The following GALNT13 variants were observed in gnomAD, a reference collection of about 807,000 sequenced individuals.
The protein encoded by GALNT13 is polypeptide N-acetylgalactosaminyltransferase 13.
A neutral mutation model predicts 64.2 loss-of-function variants in GALNT13; 28 were observed. The ratio of observed to expected loss-of-function variants is 0.44; its 90% CI spans 0.32 to 0.60. GALNT13 has a LOEUF of 0.60. Among genes scored for constraint, GALNT13 ranks in the 20% least tolerant of loss-of-function variants. The pLI, the probability that GALNT13 is intolerant of heterozygous loss-of-function variation, is 0.05. For synonymous variants in GALNT13, 214 were observed against 224.6 expected (o/e 0.95, Z 0.42); for missense variants, 577 against 669.8 (o/e 0.86, Z 1.53).
At chr2:154,234,245 A>T (rs571197648) in intron 4 of GALNT13, among the ~76,000 whole-genome samples, 53 of 152,272 alleles carry the variant, frequency 3.5e-4, no homozygotes, top group African/African-American at 1.3e-3. Context: ...GACCCAAATA[A>T]TTTTAGAGAT....
At chr2:154,382,689 T>C (rs1180120108) in intron 9 of GALNT13, among the ~76,000 whole-genome samples, 2 of 151,990 alleles carry the variant, frequency 1.3e-5, no homozygotes, top group African/African-American at 4.8e-5. Context: ...TCATTTATAG[T>C]AGTTTAGGAC....
chr2:153,403,330 A>T, the GALNT13 span, among the ~76,000 whole-genome samples: 21 of 151,840 alleles, frequency 1.4e-4, no homozygotes, highest in Non-Finnish European at 4.4e-5. Context: ...GCTCTCTTCA[A>T]AGCTGTCAGA....
At chr2:154,051,764 T>G (rs140783149) in intron 3 of GALNT13, among the ~76,000 whole-genome samples, 1 of 152,330 alleles carries the variant, frequency 6.6e-6, no homozygotes, top group African/African-American at 2.4e-5. Context: ...ATACTTTCCT[T>G]TCTAGATAAA....
the GALNT13 span, among the ~76,000 whole-genome samples, chr2:153,579,943 G>C: frequency 6.6e-6 from 1 of 152,128 alleles, no homozygotes; most frequent in African/African-American, 2.4e-5. Context: ...GTGTCAAAAA[G>C]GTTGGGGACC....
intron 4 of GALNT13, among the ~76,000 whole-genome samples, chr2:154,155,074 C>T (rs1204450105): frequency 1.3e-5 from 2 of 151,668 alleles, no homozygotes; most frequent in African/African-American, 4.8e-5. Flanking sequence ...ATTATGGAAA[C>T]TATTATTGTT....
intron 3 of GALNT13, among the ~76,000 whole-genome samples, chr2:154,012,847 T>G (rs1696740500): frequency 6.6e-6 from 1 of 152,164 alleles, no homozygotes. Flanking sequence ...TGGTCTGTTC[T>G]GCTGTTTATA....
chr2:154,189,572 G>A (rs1466094723), intron 4 of GALNT13, among the ~76,000 whole-genome samples: 1 of 151,474 alleles, frequency 6.6e-6, no homozygotes, highest in African/African-American at 2.4e-5. Flanking sequence ...CCTGATCTTG[G>A]ATTTCCAGTT....
At chr2:154,362,847 A>G (rs979389501) in intron 9 of GALNT13, among the ~76,000 whole-genome samples, 12 of 152,170 alleles carry the variant, frequency 7.9e-5, no homozygotes, top group African/African-American at 2.9e-4. Context: ...AGGATACTAT[A>G]TGGCTCAATA....
chr2:153,869,478 T>C (rs1231494040), upstream of GALNT13, among the ~76,000 whole-genome samples: 1 of 152,156 alleles, frequency 6.6e-6, no homozygotes, highest in African/African-American at 2.4e-5. Flanking sequence ...AGGCAAGATA[T>C]TGTGTAGAAT....
chr2:154,088,170 G>T (rs1020960742), intron 3 of GALNT13, among the ~76,000 whole-genome samples: 6 of 152,038 alleles, frequency 3.9e-5, no homozygotes, highest in African/African-American at 1.2e-4. Flanking sequence ...CAGTAGCCTT[G>T]CATCTCTAAT....
chr2:153,213,062 C>T, the GALNT13 span, among the ~76,000 whole-genome samples: 1,728 of 152,268 alleles, frequency 0.011, 33 homozygotes, highest in African/African-American at 0.039. Flanking sequence ...AGGTGTGTAT[C>T]GAGTACCTAC....
chr2:153,109,806 C>T, the GALNT13 span, among the ~76,000 whole-genome samples: 3 of 152,004 alleles, frequency 2.0e-5, no homozygotes, highest in African/African-American at 4.8e-5. Context: ...TGTGAGTGTG[C>T]AGAAGGCAGG....
At chr2:153,710,274 AAAGT>A in the GALNT13 span, among the ~76,000 whole-genome samples, 1 of 152,092 alleles carries the variant, frequency 6.6e-6, no homozygotes, top group East Asian at 1.9e-4. Flanking sequence ...CAATAAAAAT[AAAGT>A]AAGCTGAGAA....
At chr2:153,702,933 A>G in the GALNT13 span, among the ~76,000 whole-genome samples, 2 of 152,210 alleles carry the variant, frequency 1.3e-5, no homozygotes, top group Non-Finnish European at 1.5e-5. Context: ...TGGCACTTTC[A>G]TATTAAGAAG....
the GALNT13 span, among the ~76,000 whole-genome samples, chr2:153,091,218 G>A: frequency 6.6e-6 from 1 of 152,114 alleles, no homozygotes; most frequent in East Asian, 1.9e-4. Flanking sequence ...TGTGCTGGCT[G>A]CCTTCCCCAA....
At chr2:154,221,271 T>C (rs1688309186) in intron 4 of GALNT13, among the ~76,000 whole-genome samples, 2 of 151,646 alleles carry the variant, frequency 1.3e-5, no homozygotes, top group Non-Finnish European at 2.9e-5. Context: ...ATAGAAATAG[T>C]AATGTTTATT....
chr2:154,427,935 T>C (rs1293441824), intron 11 of GALNT13, among the ~76,000 whole-genome samples: 1 of 152,230 alleles, frequency 6.6e-6, no homozygotes, highest in Non-Finnish European at 1.5e-5. Flanking sequence ...TGGAGGAAGA[T>C]AATATTTTAA....
chr2:154,263,660 A>G (rs1573977877), intron 8 of GALNT13, among the ~76,000 whole-genome samples: 1 of 152,352 alleles, frequency 6.6e-6, no homozygotes, highest in East Asian at 1.9e-4. Flanking sequence ...ACACAAAAAA[A>G]TACTTTTTAT....
chr2:153,306,313 GCTT>G, the GALNT13 span, among the ~76,000 whole-genome samples: 3 of 152,166 alleles, frequency 2.0e-5, no homozygotes, highest in African/African-American at 7.2e-5. Flanking sequence ...ACTAACTTCA[GCTT>G]CTTTTTTTTC....
Sources: allele counts gnomAD v4.1 joint callset (sites outside exome capture counted in the v4.1 genomes callset), GRCh38; gene constraint gnomAD v4.1.1; transcripts MANE v1.5; gene names NCBI Gene and HGNC (gene_info 2026-07-23, HGNC 2026-07-21).